The following CDH18 variants were observed in gnomAD, a reference collection of about 807,000 sequenced individuals.
CDH18 encodes the protein cadherin-18.
CDH18 carries 31 observed loss-of-function variants against 67.9 expected under a neutral mutation model. The ratio of observed to expected loss-of-function variants is 0.46; its 90% CI spans 0.34 to 0.62. CDH18 has a LOEUF of 0.62. CDH18 is among the 20% of genes least tolerant of loss of function. The probability of loss-of-function intolerance (pLI) is 0.01; values close to 1 mark genes in which losing one functional copy is unlikely to be tolerated. For missense variants in CDH18, 890 were observed against 975.5 expected (o/e 0.91, Z 1.17); for synonymous variants, 362 against 347.2 (o/e 1.04, Z -0.48).
chr5:19,857,810 A>G (rs1488902328), intron 2 of CDH18, among the ~76,000 whole-genome samples: 1 of 152,172 alleles, frequency 6.6e-6, no homozygotes, highest in African/African-American at 2.4e-5. Context: ...CCTCAGTTAG[A>G]TTAGGGAAAT....
At chr5:19,530,672 G>A (rs991264644) in intron 9 of CDH18, among the ~76,000 whole-genome samples, 1 of 152,054 alleles carries the variant, frequency 6.6e-6, no homozygotes, top group South Asian at 2.1e-4. Context: ...CTATGAGTGA[G>A]AACATGCGGT....
At position 19,804,926 on chromosome 5, in the gene CDH18, G is replaced by T. The variant is rs1246048501; in HGVS notation, c.228+33833C>A. ...CCACCTAGGCATAAAATCAGCTATG[G>T]AAAAAAATCATTATTATTATTATGA... On this transcript the variant is annotated intron_variant, in intron 3 of 12. Transcript: ENST00000382275. 3.3e-5 allele frequency among the ~76,000 whole-genome samples: 5 copies of T among 149,278 alleles called. No individual in the cohort carries two copies. In the East Asian group the frequency reaches 9.9e-4, roughly 30 times the overall value.
chr5:19,936,971 G>A (rs1348127766), intron 2 of CDH18, among the ~76,000 whole-genome samples: 3 of 151,106 alleles, frequency 2.0e-5, no homozygotes, highest in Admixed American at 2.0e-4. Flanking sequence ...TAATACCACT[G>A]TAATTATAAA....
Position 19,935,795 on chromosome 5 carries a change from A to ACTCTCT in CDH18, c.-257+45259_-257+45264dup, listed in dbSNP as rs70954623. On this transcript the variant is annotated intron_variant, in intron 2 of 12. Coordinates refer to ENST00000382275, the MANE Select transcript of CDH18 (RefSeq NM_004934.5). ...AGCTAGCTTTTACATACAGTCAGGA[A>ACTCTCT]CTCTCTCTCTCTCTCTCTCTCTCTC... 9.3e-3 allele frequency among the ~76,000 whole-genome samples: 1,088 copies of ACTCTCT among 117,306 alleles called. 16 individuals are homozygous for ACTCTCT. The highest frequency in any genetic ancestry group is 0.028 in the African/African-American group (895 of 31,940). The allele number at this position is 117,306 out of a possible 152,430, so 77.0% of individuals were successfully genotyped here. A position where few individuals can be genotyped will look rare whatever the true frequency, so the allele number is the denominator to read the frequency against.
chr5:20,223,189 GGAAA>G (rs1357638360), intron 2 of CDH18, among the ~76,000 whole-genome samples: 4 of 152,172 alleles, frequency 2.6e-5, no homozygotes, highest in Middle Eastern at 6.8e-3. Context: ...CCAAGGCCGT[GGAAA>G]CCCACCTCTT....
intron 11 of CDH18, among the ~76,000 whole-genome samples, chr5:19,485,457 G>A (rs547486262): frequency 2.0e-5 from 3 of 151,984 alleles, no homozygotes; most frequent in East Asian, 1.9e-4. Context: ...GGGTTTCACC[G>A]TGTTAGCCAG....
Position 20,258,815 on chromosome 5 carries a change from C to T in CDH18, c.-579-3310G>A, listed in dbSNP as rs146219562. Among the ~76,000 whole-genome samples, 845 of 152,144 alleles carry T rather than the reference C, an allele frequency of 5.6e-3. 4 individuals carry two copies. The highest frequency in any genetic ancestry group is 0.017 in the Middle Eastern group (5 of 294). On this transcript the variant is annotated intron_variant, in intron 1 of 14. Coordinates refer to the CDH18 transcript ENST00000507958. ...AAGAGGTGGCAATTGCTTGGTTTTG[C>T]ATCCAAAGAACTCAGAGAAAGCTGG...
chr5:20,161,373 C>G (rs1180215015), intron 2 of CDH18, among the ~76,000 whole-genome samples: 3 of 152,102 alleles, frequency 2.0e-5, no homozygotes. Flanking sequence ...GGGAGCATTC[C>G]TACAAACAAA....
intron 1 of CDH18, among the ~76,000 whole-genome samples, chr5:20,511,072 G>T (rs1460053408): frequency 1.3e-5 from 2 of 152,006 alleles, no homozygotes; most frequent in Non-Finnish European, 2.9e-5. Flanking sequence ...AGGAGAAATG[G>T]TGCAGATTGT....
intron 4 of CDH18, among the ~76,000 whole-genome samples, chr5:19,738,798 C>T (rs978322238): frequency 2.6e-5 from 4 of 152,014 alleles, no homozygotes; most frequent in African/African-American, 4.8e-5. Context: ...AGGCTTTATA[C>T]CTGAATGACG....
At chr5:19,550,372 C>A (rs1737189408) in intron 8 of CDH18, among the ~76,000 whole-genome samples, 1 of 152,078 alleles carries the variant, frequency 6.6e-6, no homozygotes, top group South Asian at 2.1e-4. Flanking sequence ...ATTAACTCGT[C>A]ATTTAGCATT....
At chr5:19,510,720 C>A (rs1243547371) in intron 10 of CDH18, among the ~76,000 whole-genome samples, 1 of 152,006 alleles carries the variant, frequency 6.6e-6, no homozygotes, top group Admixed American at 6.6e-5. Context: ...CCCACATAAC[C>A]CCTACCTGGA....
rs114748437 is a variant in CDH18, at chr5:19,759,612, C to A, written c.229-12376G>T. On this transcript the variant is annotated intron_variant, in intron 3 of 12. Transcript: ENST00000382275. ...TGACCCCCATAATCCCCTACTTTAA[C>A]TGGAGGACCACAATGATGTCTTGTG... is the stretch of plus-strand genomic sequence containing the variant. 2.6e-3 allele frequency among the ~76,000 whole-genome samples: 393 copies of A among 152,300 alleles called. 3 individuals are homozygous for A. The highest frequency in any genetic ancestry group is 9.1e-3 in the African/African-American group (378 of 41,564).
At chr5:19,480,807 G>C (rs1739303483) in intron 12 of CDH18, among the ~76,000 whole-genome samples, 1 of 151,984 alleles carries the variant, frequency 6.6e-6, no homozygotes, top group African/African-American at 2.4e-5. Flanking sequence ...CTGAAGTGCG[G>C]TGGTGTGATC....
chr5:19,703,049 G>A (rs1274313115), intron 5 of CDH18, among the ~76,000 whole-genome samples: 4 of 95,938 alleles, frequency 4.2e-5, no homozygotes, highest in African/African-American at 1.0e-4. Flanking sequence ...ATAAATATGT[G>A]CGTAAAACTC....
intron 9 of CDH18, among the ~76,000 whole-genome samples, chr5:19,528,947 T>A (rs1435381521): frequency 6.6e-6 from 1 of 151,602 alleles, no homozygotes; most frequent in African/African-American, 2.4e-5. Context: ...ATAATTACAA[T>A]AAGAAGTTTG....
chr5:20,573,477 T>C (rs1758921896), intron 1 of CDH18, among the ~76,000 whole-genome samples: 1 of 151,822 alleles, frequency 6.6e-6, no homozygotes, highest in Non-Finnish European at 1.5e-5. Context: ...AAGTAATTTG[T>C]ATATTAAACT....
At chr5:20,099,815 A>T (rs1390861399) in intron 2 of CDH18, among the ~76,000 whole-genome samples, 1 of 151,990 alleles carries the variant, frequency 6.6e-6, no homozygotes, top group Non-Finnish European at 1.5e-5. Context: ...ACAGGGTCTC[A>T]CTCTGTCACC....
chr5:20,569,541 G>A (rs1293498625), intron 1 of CDH18, among the ~76,000 whole-genome samples: 3 of 152,106 alleles, frequency 2.0e-5, no homozygotes, highest in African/African-American at 7.2e-5. Context: ...AACCTGGGAG[G>A]TGGAGGTTGC....
Sources: allele counts gnomAD v4.1 joint callset (sites outside exome capture counted in the v4.1 genomes callset), GRCh38; gene constraint gnomAD v4.1.1; transcripts MANE v1.5; gene names NCBI Gene and HGNC (gene_info 2026-07-23, HGNC 2026-07-21).